Variants in CDK12 observed in about 807,000 individuals in gnomAD.
CDK12 encodes cyclin dependent kinase 12.
Under a neutral mutation model 133.8 loss-of-function variants are expected in CDK12, and 17 were observed. The ratio of observed to expected loss-of-function variants is 0.13; its 90% CI spans 0.09 to 0.19. The LOEUF (loss-of-function observed/expected upper bound fraction) is 0.19, where lower values mean the gene tolerates loss of function less well. Among genes scored for constraint, CDK12 ranks in the 10% least tolerant of loss-of-function variants. The probability of loss-of-function intolerance (pLI) is 1.00; values close to 1 mark genes in which losing one functional copy is unlikely to be tolerated. For synonymous variants in CDK12, 694 were observed against 683.6 expected, an observed-to-expected ratio of 1.02 and a Z score of -0.24; for missense variants, 1,508 against 1,818.7, an observed-to-expected ratio of 0.83 and a Z score of 3.11.
chr17:39,547,501 C>T (rs546154220), upstream of CDK12, among the ~76,000 whole-genome samples: 3 of 152,148 alleles, frequency 2.0e-5, no homozygotes, highest in East Asian at 1.9e-4. Context: ...CAGACTGTTC[C>T]GAAAGGAAAG....
chr17:39,552,154 C>T (rs1177601065), intron 2 of CDK12, among the ~76,000 whole-genome samples: 1 of 152,140 alleles, frequency 6.6e-6, no homozygotes, highest in African/African-American at 2.4e-5. Context: ...GTCTCATTGC[C>T]TGCCTTCTTA....
chr17:39,461,835 C>T lies in CDK12; in HGVS notation c.-237C>T. On this transcript the variant is annotated 5_prime_UTR_variant, in exon 1 of 14. Coordinates refer to ENST00000447079, the MANE Select transcript of CDK12 (RefSeq NM_016507.4). ...AGACTTGAGCAGCTCCCCGTTGTCT[C>T]GCAACTCCACTGCCGAGGAACTCTC... 1 of 560,092 alleles carries T rather than the reference C, an allele frequency of 1.8e-6. No homozygotes were observed. Among genetic ancestry groups the T allele is most frequent in the South Asian group, 2.3e-5 (1 of 44,252 alleles). The allele number at this position is 560,092 out of a possible 1,614,324, so 34.7% of individuals were successfully genotyped here. A position where few individuals can be genotyped will look rare whatever the true frequency, so the allele number is the denominator to read the frequency against.
At chr17:39,520,449 G>T (rs1432671926) in intron 11 of CDK12, among the ~76,000 whole-genome samples, 1 of 152,090 alleles carries the variant, frequency 6.6e-6, no homozygotes, top group Non-Finnish European at 1.5e-5. Context: ...AGGCTGGAAT[G>T]CAGTGGTGCA....
intron 3 of CDK12, among the ~76,000 whole-genome samples, chr17:39,560,872 A>G (rs58452873): frequency 0.053 from 8,064 of 152,224 alleles, 688 homozygotes; most frequent in African/African-American, 0.18. Context: ...AAAATTAGCC[A>G]GGCGTGGTGG....
At chr17:39,513,809 T>G (rs1374537583) in intron 8 of CDK12, among the ~76,000 whole-genome samples, 3 of 152,238 alleles carry the variant, frequency 2.0e-5, no homozygotes. Flanking sequence ...CTTTGGTGAT[T>G]CATGGTAGTC....
At chr17:39,510,144 G>A (rs975127031) in intron 7 of CDK12, among the ~76,000 whole-genome samples, 1 of 142,400 alleles carries the variant, frequency 7.0e-6, no homozygotes, top group Non-Finnish European at 1.5e-5. Flanking sequence ...TTTGAAGACG[G>A]AGTCTCAATC....
intron 2 of CDK12, among the ~76,000 whole-genome samples, chr17:39,482,271 C>CA (rs1222185383): frequency 6.6e-6 from 1 of 152,060 alleles, no homozygotes; most frequent in African/African-American, 2.4e-5. Flanking sequence ...CTCGGCCTCT[C>CA]AGAGTGCTAG....
At chr17:39,473,515 A>G (rs2049956329) in intron 2 of CDK12, among the ~76,000 whole-genome samples, 1 of 152,144 alleles carries the variant, frequency 6.6e-6, no homozygotes, top group African/African-American at 2.4e-5. Context: ...GCCGAGGTAG[A>G]TAAGATCACT....
intron 1 of CDK12, among the ~76,000 whole-genome samples, chr17:39,465,757 C>T (rs1255582499): frequency 6.6e-6 from 1 of 152,084 alleles, no homozygotes; most frequent in Admixed American, 6.6e-5. Context: ...TCCTAAAGTG[C>T]TGGGATTACA....
chr17:39,516,731 T>C (rs8081528), intron 9 of CDK12, among the ~76,000 whole-genome samples: 123,560 of 147,264 alleles, frequency 0.84, 52,007 homozygotes, highest in South Asian at 0.92. Context: ...GGCGTGATCT[T>C]GGCTCACTGC....
chr17:39,510,322 T>C (rs2053418137), intron 7 of CDK12, among the ~76,000 whole-genome samples: 1 of 151,916 alleles, frequency 6.6e-6, no homozygotes, highest in African/African-American at 2.4e-5. Context: ...GGTTTCACCA[T>C]GTTGGCCAGG....
chr17:39,544,723 G>A (rs888935626), upstream of CDK12, among the ~76,000 whole-genome samples: 1 of 150,602 alleles, frequency 6.6e-6, no homozygotes, highest in African/African-American at 2.4e-5. Context: ...TCCGCCTCCC[G>A]GGGTTCAAGC....
downstream of CDK12, among the ~76,000 whole-genome samples, chr17:39,566,588 C>T (rs1458235997): frequency 6.6e-6 from 1 of 152,236 alleles, no homozygotes; most frequent in East Asian, 1.9e-4. Context: ...CCCCCCTTCT[C>T]TGCACCTCTT....
Position 39,532,462 on chromosome 17 carries a change from A to G in CDK12, c.*1146A>G, listed in dbSNP as rs1598198715. On this transcript the variant is annotated 3_prime_UTR_variant, in exon 14 of 14. Coordinates refer to ENST00000447079, the MANE Select transcript of CDK12 (RefSeq NM_016507.4). ...TTGTTTACACATATATTTTTATGTCAAAAAAAAAACAAAAACCTTTCAAAC... is the reference window on the plus strand; with the variant it reads ...TTGTTTACACATATATTTTTATGTCGAAAAAAAAACAAAAACCTTTCAAAC... The G allele has an allele frequency of 5.8e-6, 1 of 172,736 alleles. No homozygotes were observed. Among genetic ancestry groups the G allele is most frequent in the Non-Finnish European group, 1.1e-5 (1 of 87,046 alleles). 10.7% of individuals were successfully genotyped at this position (172,736 alleles called of 1,614,324 possible). A position where few individuals can be genotyped will look rare whatever the true frequency, so the allele number is the denominator to read the frequency against.
At chr17:39,513,901 A>G (rs2053638006) in intron 8 of CDK12, among the ~76,000 whole-genome samples, 2 of 152,216 alleles carry the variant, frequency 1.3e-5, no homozygotes, top group South Asian at 2.1e-4. Flanking sequence ...AGGAGAAACT[A>G]GAAAGACTAG....
chr17:39,554,748 G>A (rs371802478), intron 2 of CDK12, among the ~76,000 whole-genome samples: 1 of 152,144 alleles, frequency 6.6e-6, no homozygotes, highest in Non-Finnish European at 1.5e-5. Context: ...GCGTGGTGGC[G>A]TGCACCTGTA....
At chr17:39,464,521 CG>C (rs1019331284) in intron 1 of CDK12, among the ~76,000 whole-genome samples, 1 of 151,548 alleles carries the variant, frequency 6.6e-6, no homozygotes, top group African/African-American at 2.4e-5. Flanking sequence ...TGAGCCACCA[CG>C]CCTGGCTCAT....
chr17:39,549,926 G>A (rs1039584672), upstream of CDK12: 7 of 152,142 alleles, frequency 4.6e-5, no homozygotes, highest in Non-Finnish European at 7.3e-5. Flanking sequence ...CCCTGGCAGA[G>A]GATCAAATAA....
intron 13 of CDK12, among the ~76,000 whole-genome samples, chr17:39,526,658 A>C (rs1056735671): frequency 3.3e-5 from 5 of 152,236 alleles, no homozygotes; most frequent in African/African-American, 1.2e-4. Flanking sequence ...AACTAGTCCT[A>C]GCACTTGGAA....
Sources: allele counts gnomAD v4.1 joint callset (sites outside exome capture counted in the v4.1 genomes callset), GRCh38; gene constraint gnomAD v4.1.1; transcripts MANE v1.5; gene names NCBI Gene and HGNC (gene_info 2026-07-23, HGNC 2026-07-21).